COPS2: variants seen among roughly 807,000 people sequenced by gnomAD.
The protein encoded by COPS2 is COP9 signalosome complex subunit 2.
Under a neutral mutation model 66.1 loss-of-function variants are expected in COPS2, and 10 were observed. The observed-to-expected ratio is 0.15, with a 90% CI of 0.09 to 0.26. COPS2 has a LOEUF of 0.26. Ranked by LOEUF, COPS2 falls within the 10% of genes least tolerant of loss-of-function variation. The pLI is 1.00. For synonymous variants in COPS2, 179 were observed against 171.3 expected, an observed-to-expected ratio of 1.04 and a Z score of -0.35; for missense variants, 215 against 513.3, an observed-to-expected ratio of 0.42 and a Z score of 5.62.
At chr15:49,149,136 A>G (rs532914171) in intron 1 of COPS2, among the ~76,000 whole-genome samples, 6 of 151,744 alleles carry the variant, frequency 4.0e-5, no homozygotes, top group African/African-American at 1.2e-4. Flanking sequence ...ATTAAAAATA[A>G]AAAAACCCCC....
intron 1 of COPS2, among the ~76,000 whole-genome samples, chr15:49,149,083 A>G (rs1006084773): frequency 3.3e-5 from 5 of 152,192 alleles, no homozygotes. Context: ...CAAATTATGA[A>G]AAATAATCAA....
At chr15:49,132,509 T>C (rs2084218437) in intron 9 of COPS2, among the ~76,000 whole-genome samples, 1 of 149,788 alleles carries the variant, frequency 6.7e-6, no homozygotes, top group Non-Finnish European at 1.5e-5. Flanking sequence ...TAGTGTTTTC[T>C]GTTAAATGAA....
chr15:49,132,588 A>G (rs2084219556), intron 9 of COPS2, among the ~76,000 whole-genome samples: 2 of 151,036 alleles, frequency 1.3e-5, no homozygotes, highest in African/African-American at 4.8e-5. Flanking sequence ...AAAAAAAAAA[A>G]AAAAAGCCCT....
At chr15:49,133,096 C>G (rs1275050674) in intron 9 of COPS2, among the ~76,000 whole-genome samples, 5 of 149,902 alleles carry the variant, frequency 3.3e-5, no homozygotes, top group Admixed American at 6.8e-5. Context: ...TCATGCCATT[C>G]TCCTGCCTCA....
intron 3 of COPS2, among the ~76,000 whole-genome samples, chr15:49,143,507 T>C (rs1034660845): frequency 6.6e-6 from 1 of 152,200 alleles, no homozygotes; most frequent in Non-Finnish European, 1.5e-5. Flanking sequence ...AGCACAGTCA[T>C]ACTGGATGTA....
At chr15:49,134,654 T>A in intron 6 of COPS2, 140 bp from the exon 7 acceptor site, 1 of 637,496 alleles carries the variant, frequency 1.6e-6, no homozygotes, top group Non-Finnish European at 2.6e-6. Flanking sequence ...GCTACAGTAC[T>A]AAGAATACCA....
chr15:49,143,797 T>C (rs536704363), intron 3 of COPS2, among the ~76,000 whole-genome samples: 62 of 152,046 alleles, frequency 4.1e-4, no homozygotes, highest in Non-Finnish European at 7.1e-4. Context: ...CCATCCTGGC[T>C]AACATGGTGA....
At chr15:49,142,210 T>G (rs1016307943) in intron 3 of COPS2, among the ~76,000 whole-genome samples, 5 of 152,240 alleles carry the variant, frequency 3.3e-5, no homozygotes, top group African/African-American at 1.2e-4. Flanking sequence ...GTAAATATAA[T>G]GTAGATAATT....
chr15:49,132,343 A>T (rs1230747841), intron 9 of COPS2, among the ~76,000 whole-genome samples: 1 of 144,468 alleles, frequency 6.9e-6, no homozygotes, highest in Non-Finnish European at 1.5e-5. Flanking sequence ...TAGTCCCCCT[A>T]AAAAAAAACG....
At chr15:49,139,694 G>T (rs748141822) in intron 3 of COPS2, 41 bp from the exon 4 acceptor site, 2 of 1,486,272 alleles carry the variant, frequency 1.3e-6, no homozygotes, top group Admixed American at 4.0e-5. Context: ...GCAAATTTAG[G>T]TACTAAAATA....
chr15:49,129,371 T>A (rs1276667316), intron 11 of COPS2, 106 bp downstream of exon 11: 2 of 429,094 alleles, frequency 4.7e-6, no homozygotes, highest in Non-Finnish European at 4.1e-6. Flanking sequence ...AATGTATTAT[T>A]ATAATAAAAT....
chr15:49,155,465 G>A (rs2084420643), intron 1 of COPS2, 60 bp downstream of exon 1: 2 of 1,559,308 alleles, frequency 1.3e-6, no homozygotes, highest in South Asian at 2.2e-5. Flanking sequence ...GGGCGCCCCG[G>A]CCCGGACCCC....
rs550868532 is a variant in COPS2 at position 49,145,028 on chromosome 15, C to T, written c.105G>A (p.Gln35=). 3 of 1,605,354 alleles carry T rather than the reference C, an allele frequency of 1.9e-6. No homozygotes were observed. The highest frequency in any genetic ancestry group is 2.5e-6 in the Non-Finnish European group (3 of 1,176,572). ...CTTTTAATGCTTTGGAATTATAGTA[C>T]TGATTTTCCAAATCCACATTTGGCT... is the stretch of plus-strand genomic sequence containing the variant. ...NSEPNVDLEN[Q]YYNSKALKED... is the part of the protein sequence containing the mutation. Residue 35 remains glutamine, a synonymous_variant, in exon 2 of 13, where the codon CAG becomes CAA. Transcript: ENST00000388901.
In COPS2 at chr15:49,139,631, T is replaced by C. The variant is rs1271315556; in HGVS notation, c.269A>G (p.Asn90Ser). 2 of 1,586,150 alleles carry C rather than the reference T, an allele frequency of 1.3e-6. No individual in the cohort carries two copies. The highest frequency in any genetic ancestry group is 1.7e-6 in the Non-Finnish European group (2 of 1,170,044). The change falls in exon 4 of 13, where the codon AAT becomes AGT. Residue 90 changes from asparagine to serine, a missense_variant. Asn to Ser is a conservative substitution (Grantham distance 46). Coordinates refer to ENST00000388901, the MANE Select transcript of COPS2 (RefSeq NM_004236.4). ...ATAGGTCAATAGCTGCTTATATCTA[T>C]TCATCATTTCTGGAAAGTTTGTCTG... ...FKLTNFPEMMNRYKQLLTYIR... is the reference protein window; with the variant it reads ...FKLTNFPEMMSRYKQLLTYIR...
rs1046454008 is a variant in COPS2 at position 49,123,268 on chromosome 15, C to A, written c.*4682G>T. ...GATTACTTTTTCTAAACTCTAAACT[C>A]CCATAAAATGGATGTACAATAAAAC... On this transcript the variant is annotated 3_prime_UTR_variant, in exon 13 of 13. Transcript: ENST00000388901. 1 of 152,100 alleles carries A rather than the reference C, an allele frequency of 6.6e-6. No individual in the cohort carries two copies. Among genetic ancestry groups the A allele is most frequent in the Admixed American group, 6.5e-5 (1 of 15,270 alleles). 9.4% of individuals were successfully genotyped at this position (152,100 alleles called of 1,614,324 possible).
At chr15:49,139,877 C>A (rs1314935127) in intron 3 of COPS2, among the ~76,000 whole-genome samples, 1 of 152,152 alleles carries the variant, frequency 6.6e-6, no homozygotes, top group Non-Finnish European at 1.5e-5. Flanking sequence ...GCTTATGAAA[C>A]AAGTACAACT....
chr15:49,129,310 A>G (rs2084192233), intron 11 of COPS2, among the ~76,000 whole-genome samples, 167 bp downstream of exon 11: 1 of 151,992 alleles, frequency 6.6e-6, no homozygotes, highest in South Asian at 2.1e-4. Context: ...GTCTCTTAAA[A>G]AAAAAAAAAA....
Position 49,123,397 on chromosome 15 carries a change from C to A in COPS2, c.*4553G>T, listed in dbSNP as rs1238146651. The A allele has an allele frequency of 2.0e-5, 3 of 152,136 alleles. No homozygotes were observed. Among genetic ancestry groups the A allele is most frequent in the African/African-American group, 7.2e-5 (3 of 41,430 alleles). The allele number at this position is 152,136 out of a possible 1,614,324, so 9.4% of individuals were successfully genotyped here. A position where few individuals can be genotyped will look rare whatever the true frequency, so the allele number is the denominator to read the frequency against. On this transcript the variant is annotated 3_prime_UTR_variant, in exon 13 of 13. Transcript: ENST00000388901. ...TTCCACATGAAACCTAGTCATAACA[C>A]GCAAGTTACTGGTACACTGGTAATT...
At position 49,130,378 on chromosome 15, in the gene COPS2, T is replaced by A. The variant is rs545256088; in HGVS notation, c.1045+341A>T. ...TAGCAGGATATTTTCATAACTTTTG[T>A]TATTTGTCAAAAATAAACCTTAAAA... On this transcript the variant is annotated intron_variant, in intron 10 of 12. Transcript: ENST00000388901. 9.0e-4 allele frequency among the ~76,000 whole-genome samples: 137 copies of A among 152,272 alleles called. 5 individuals are homozygous for A. In the South Asian group the frequency reaches 0.027, roughly 30 times the overall value.
Sources: gnomAD v4.1 joint callset for allele counts (sites outside exome capture counted in the v4.1 genomes callset) on GRCh38, gnomAD v4.1.1 for gene constraint, MANE v1.5 for transcripts, NCBI Gene and HGNC (gene_info 2026-07-23, HGNC 2026-07-21) for gene names.